Variants in CUBN observed in about 807,000 individuals in gnomAD.
The protein encoded by CUBN is 460 kDa receptor.
In CUBN, 282 loss-of-function variants were observed where a neutral mutation model predicts 405.3. That is an observed-to-expected ratio of 0.70 (90% CI 0.63 to 0.77). The LOEUF (loss-of-function observed/expected upper bound fraction) is 0.77, where lower values mean the gene tolerates loss of function less well. CUBN is among the 30% of genes least tolerant of loss of function. The pLI is 0.00. For missense variants in CUBN, 4,514 were observed against 4,475.2 expected, an observed-to-expected ratio of 1.01 and a Z score of -0.25; for synonymous variants, 1,684 against 1,617.0, an observed-to-expected ratio of 1.04 and a Z score of -0.99.
At chr10:16,988,999 A>T (rs1418613778) in intron 29 of CUBN, among the ~76,000 whole-genome samples, 2 of 152,224 alleles carry the variant, frequency 1.3e-5, no homozygotes, top group Non-Finnish European at 2.9e-5. Flanking sequence ...ATGGTGTGAC[A>T]ATCAGAGACG....
chr10:16,874,693 G>A (rs1395539025), intron 57 of CUBN, among the ~76,000 whole-genome samples, 190 bp from the exon 58 acceptor site: 1 of 152,206 alleles, frequency 6.6e-6, no homozygotes, highest in Non-Finnish European at 1.5e-5. Context: ...GAAGGAAGAT[G>A]AAAGACAGCA....
At chr10:17,003,807 T>C (rs1168953153) in intron 28 of CUBN, among the ~76,000 whole-genome samples, 2 of 152,316 alleles carry the variant, frequency 1.3e-5, no homozygotes, top group African/African-American at 4.8e-5. Context: ...AGACCGCTAT[T>C]CCTCGCTCTT....
At chr10:16,861,870 G>T (rs1177033266) in intron 59 of CUBN, among the ~76,000 whole-genome samples, 1 of 152,014 alleles carries the variant, frequency 6.6e-6, no homozygotes, top group Non-Finnish European at 1.5e-5. Context: ...ATCCCTGGGG[G>T]CTGGGCGCAG....
chr10:16,931,939 C>G (rs1394640810), intron 40 of CUBN, among the ~76,000 whole-genome samples: 1 of 152,066 alleles, frequency 6.6e-6, no homozygotes, highest in Non-Finnish European at 1.5e-5. Flanking sequence ...GTTCTGAACA[C>G]TAGAATATGT....
chr10:17,105,642 C>T, intron 10 of CUBN, 67 bp from the exon 11 acceptor site: 2 of 866,466 alleles, frequency 2.3e-6, no homozygotes, highest in Admixed American at 1.9e-5. Flanking sequence ...AGTATCTAAA[C>T]TCAGAATCTG....
intron 22 of CUBN, among the ~76,000 whole-genome samples, chr10:17,063,140 T>A (rs932309252): frequency 7.2e-5 from 11 of 152,054 alleles, no homozygotes; most frequent in Admixed American, 3.9e-4. Context: ...GGACCCCCCC[T>A]CAGCAATGCA....
At chr10:16,903,547 A>G (rs1218454280) in intron 51 of CUBN, among the ~76,000 whole-genome samples, 1 of 151,318 alleles carries the variant, frequency 6.6e-6, no homozygotes, top group East Asian at 1.9e-4. Context: ...TAATAAGAGG[A>G]TAGCTAGATC....
At chr10:17,042,059 G>A (rs1835032721) in intron 26 of CUBN, among the ~76,000 whole-genome samples, 1 of 152,158 alleles carries the variant, frequency 6.6e-6, no homozygotes, top group Non-Finnish European at 1.5e-5. Context: ...GTCTCTGAAA[G>A]TGTGATTCAT....
At chr10:16,840,295 C>G (rs1214384182) in intron 62 of CUBN, 35 bp downstream of exon 62, 1 of 1,549,274 alleles carries the variant, frequency 6.5e-7, no homozygotes, top group East Asian at 2.2e-5. Flanking sequence ...GAAAAGGTCA[C>G]TAGATGTGAC....
chr10:16,961,162 C>G (rs1018739502), intron 31 of CUBN, among the ~76,000 whole-genome samples: 3 of 148,960 alleles, frequency 2.0e-5, no homozygotes, highest in Non-Finnish European at 4.6e-5. Context: ...GCCTTGACCT[C>G]CTGGGCTCAA....
intron 28 of CUBN, among the ~76,000 whole-genome samples, chr10:17,003,967 A>G (rs1486201194): frequency 6.6e-6 from 1 of 152,184 alleles, no homozygotes; most frequent in East Asian, 1.9e-4. Flanking sequence ...AGTTCACACT[A>G]GTCTAGCTGG....
intron 10 of CUBN, among the ~76,000 whole-genome samples, chr10:17,107,148 T>G (rs10437541): frequency 0.58 from 88,514 of 152,078 alleles, 26,814 homozygotes; most frequent in Non-Finnish European, 0.68. Flanking sequence ...TAGCTAACAA[T>G]AGTTTTAGAG....
At chr10:16,879,664 T>C (rs541027336) in intron 56 of CUBN, among the ~76,000 whole-genome samples, 3 of 152,194 alleles carry the variant, frequency 2.0e-5, no homozygotes, top group African/African-American at 4.8e-5. Flanking sequence ...CCCAATCCAG[T>C]CCAATAAAGG....
chr10:16,973,557 T>C (rs567293221), intron 31 of CUBN, among the ~76,000 whole-genome samples: 2 of 152,122 alleles, frequency 1.3e-5, no homozygotes, highest in Non-Finnish European at 2.9e-5. Flanking sequence ...TTGCCTGTCA[T>C]GGGGGTTTGG....
rs768128551 is a variant in CUBN, at chr10:16,869,863, G to A, written c.9237-10C>T. ...ATCAAAATCACTGAACCTGTGAAAT[G>A]TACCTTGTTAATACTGATGTTTCCA... is the stretch of plus-strand genomic sequence containing the variant. On this transcript the variant is annotated splice_polypyrimidine_tract_variant and intron_variant, in intron 58 of 66. Coordinates refer to ENST00000377833, the MANE Select transcript of CUBN (RefSeq NM_001081.4). 1.7e-5 allele frequency: 26 copies of A among 1,573,464 alleles called. No homozygotes were observed. The highest frequency in any genetic ancestry group is 4.5e-5 in the East Asian group (2 of 44,660).
intron 17 of CUBN, among the ~76,000 whole-genome samples, chr10:17,074,861 A>C (rs1835818787): frequency 6.6e-6 from 1 of 152,196 alleles, no homozygotes; most frequent in Admixed American, 6.5e-5. Context: ...TAGTGGGGTT[A>C]AATCAGTGTA....
intron 61 of CUBN, 121 bp from the exon 62 acceptor site, chr10:16,840,656 T>C (rs1383728700): frequency 3.2e-6 from 3 of 947,038 alleles, no homozygotes; most frequent in Non-Finnish European, 5.0e-6. Flanking sequence ...ATTACTCTAT[T>C]AAGAATTCAG....
chr10:16,976,052 C>T (rs1170305506), intron 31 of CUBN, among the ~76,000 whole-genome samples: 1 of 149,778 alleles, frequency 6.7e-6, no homozygotes, highest in African/African-American at 2.5e-5. Flanking sequence ...CTCACTGCAA[C>T]TCCTGCCTTC....
At position 16,831,473 on chromosome 10, in the gene CUBN, C is replaced by A. The variant is rs151313566; in HGVS notation, c.10363-56G>T. The A allele has an allele frequency of 1.0e-5, 15 of 1,429,918 alleles. No homozygotes were observed. In the African/African-American group the frequency reaches 2.0e-4, roughly 19 times the overall value. 88.6% of individuals were successfully genotyped at this position (1,429,918 alleles called of 1,614,324 possible). The stretch of plus-strand genomic sequence containing the variant: ...TACACTTTCTTCTCTAAGGTATATA[C>A]ATTAAAATGGAGACAATTTGAATGA... On this transcript the variant is annotated intron_variant, in intron 64 of 66. Coordinates refer to ENST00000377833, the MANE Select transcript of CUBN (RefSeq NM_001081.4).
Sources: allele counts gnomAD v4.1 joint callset (sites outside exome capture counted in the v4.1 genomes callset), GRCh38; gene constraint gnomAD v4.1.1; transcripts MANE v1.5; gene names NCBI Gene and HGNC (gene_info 2026-07-23, HGNC 2026-07-21).